NWD1: variants seen among roughly 807,000 people sequenced by gnomAD.
NWD1 encodes NACHT and WD repeat domain containing 1.
In NWD1, 129 loss-of-function variants were observed where a neutral mutation model predicts 135.1. The ratio of observed to expected loss-of-function variants is 0.96; its 90% CI spans 0.83 to 1.11. NWD1 has a LOEUF of 1.11. Ranked by LOEUF, NWD1 falls within the 50% of genes least tolerant of loss-of-function variation. The pLI, the probability that NWD1 is intolerant of heterozygous loss-of-function variation, is 0.00. For missense variants in NWD1, 1,740 were observed against 1,851.3 expected (o/e 0.94, Z 1.10); for synonymous variants, 773 against 786.0 (o/e 0.98, Z 0.28).
intron 1 of NWD1, among the ~76,000 whole-genome samples, chr19:16,721,190 T>G (rs1599409186): frequency 6.6e-6 from 1 of 151,638 alleles, no homozygotes; most frequent in African/African-American, 2.4e-5. Context: ...GTGGTGGTGG[T>G]GGGGGTGTGC....
In NWD1 at chr19:16,749,301, C is replaced by T; in HGVS notation, c.659C>T (p.Ala220Val). 6.2e-7 allele frequency: 1 copy of T among 1,613,788 alleles called. No individual in the cohort carries two copies. The highest frequency in any genetic ancestry group is 8.5e-7 in the Non-Finnish European group (1 of 1,179,914). ...GCGGATGGCTGCCTGGACGCTGATG[C>T]CCAGAACCTTCTCAGCAGCCTCAAA... ...RLADGCLDADAQNLLSSLKSH... is the reference protein window; with the variant it reads ...RLADGCLDADVQNLLSSLKSH... Residue 220 changes from alanine to valine, a missense_variant, in exon 6 of 19, where the codon GCC becomes GTC. Physicochemically the swap from Ala to Val is moderately conservative, Grantham distance 64. Coordinates refer to ENST00000524140, the MANE Select transcript of NWD1 (RefSeq NM_001007525.5).
intron 15 of NWD1, among the ~76,000 whole-genome samples, chr19:16,795,175 C>T (rs1970378281): frequency 6.6e-6 from 1 of 152,268 alleles, no homozygotes; most frequent in African/African-American, 2.4e-5. Context: ...GGGGTCACAT[C>T]TGGCTTTTGG....
chr19:16,762,297 CTTTTTTT>C (rs71180331), intron 8 of NWD1, among the ~76,000 whole-genome samples, 159 bp downstream of exon 8: 1 of 118,118 alleles, frequency 8.5e-6, no homozygotes, highest in African/African-American at 3.5e-5. Context: ...CCCCCCACTC[CTTTTTTT>C]TTTTTTTTTT....
chr19:16,812,247 G>A (rs1970946549), intron 18 of NWD1, among the ~76,000 whole-genome samples: 1 of 151,612 alleles, frequency 6.6e-6, no homozygotes, highest in African/African-American at 2.4e-5. Flanking sequence ...GGTGGAGGTT[G>A]CAGTCAAGCC....
rs188291105 is a variant in NWD1, at chr19:16,745,930, T to A, written c.496+1212T>A. ...AGACCCTGTCTCTAAATAAATAAAT[T>A]AATTAATTAAATAAAATACAGTCTA... On this transcript the variant is annotated intron_variant, in intron 5 of 18. Transcript: ENST00000524140. Among the ~76,000 whole-genome samples, 633 of 151,540 alleles carry A rather than the reference T, an allele frequency of 4.2e-3. 2 individuals are homozygous for A. Among genetic ancestry groups the A allele is most frequent in the African/African-American group, 0.014 (570 of 41,352 alleles).
chr19:16,749,620 C>G lies in NWD1; in HGVS notation c.978C>G (p.Leu326=). 1 of 1,611,630 alleles carries G rather than the reference C, an allele frequency of 6.2e-7. No homozygotes were observed. Among genetic ancestry groups the G allele is most frequent in the Non-Finnish European group, 8.5e-7 (1 of 1,178,280 alleles). ...TCCTGGCCCGGCTTGGGCAGCAGCT[C>G]AGGCACGATGACAGCAAGCAGCACA... ...QELLARLGQQ[L]RHDDSKQHTP... Residue 326 remains leucine, a synonymous_variant, in exon 6 of 19, where the codon CTC becomes CTG. Coordinates refer to ENST00000524140, the MANE Select transcript of NWD1 (RefSeq NM_001007525.5).
At position 16,749,901 on chromosome 19, in the gene NWD1, T is replaced by C. The variant is rs953279990; in HGVS notation, c.1259T>C (p.Leu420Pro). Residue 420 changes from leucine to proline, a missense_variant, in exon 6 of 19, where the codon CTC becomes CCC. Coordinates refer to ENST00000524140, the MANE Select transcript of NWD1 (RefSeq NM_001007525.5). Reference sequence around the variant, plus strand: ...AGGGTGGTCCAGTTTTTCCATACCCTCCTCCACACTGTCTCTTGCAGAAAC... The same window carrying C: ...AGGGTGGTCCAGTTTTTCCATACCCCCCTCCACACTGTCTCTTGCAGAAAC... ...HTRVVQFFHTLLHTVSCRNFE... is the reference protein window; with the variant it reads ...HTRVVQFFHTPLHTVSCRNFE... The C allele has an allele frequency of 1.9e-6, 3 of 1,613,386 alleles. No individual in the cohort carries two copies. The highest frequency in any genetic ancestry group is 1.3e-5 in the African/African-American group (1 of 74,890).
intron 12 of NWD1, among the ~76,000 whole-genome samples, chr19:16,781,271 G>T (rs1425931810): frequency 6.6e-6 from 1 of 152,122 alleles, no homozygotes; most frequent in African/African-American, 2.4e-5. Context: ...CCACAGTAGA[G>T]TTCATAACTA....
At chr19:16,789,330 G>A in intron 13 of NWD1, 140 bp downstream of exon 13, 1 of 651,342 alleles carries the variant, frequency 1.5e-6, no homozygotes, top group Non-Finnish European at 2.7e-6. Context: ...ACTTGAGAGG[G>A]TGCTATAAGA....
At position 16,797,723 on chromosome 19, in the gene NWD1, C is replaced by A. The variant is rs372759931; in HGVS notation, c.3305-9C>A. On this transcript the variant is annotated splice_polypyrimidine_tract_variant and intron_variant, in intron 15 of 18. Coordinates refer to ENST00000524140, the MANE Select transcript of NWD1 (RefSeq NM_001007525.5). ...ATGAGAGGTGTAACCCCAGTTCCTG[C>A]CGTTTCAGGCTTTGGAAGATCGGTG... 6.2e-7 allele frequency: 1 copy of A among 1,611,980 alleles called. No individual in the cohort carries two copies. The highest frequency in any genetic ancestry group is 8.5e-7 in the Non-Finnish European group (1 of 1,178,786).
chr19:16,764,404 T>C (rs867137629), intron 9 of NWD1, among the ~76,000 whole-genome samples: 21 of 126,300 alleles, frequency 1.7e-4, no homozygotes, highest in Admixed American at 3.2e-4. Context: ...TCCATCCATC[T>C]AACTATCCAT....
At chr19:16,747,619 A>G (rs1264626662) in intron 5 of NWD1, among the ~76,000 whole-genome samples, 4 of 151,690 alleles carry the variant, frequency 2.6e-5, no homozygotes, top group Non-Finnish European at 5.9e-5. Flanking sequence ...GTGATCGTCC[A>G]GCCTCTGCCT....
At chr19:16,747,180 G>T (rs1968357578) in intron 5 of NWD1, among the ~76,000 whole-genome samples, 1 of 151,428 alleles carries the variant, frequency 6.6e-6, no homozygotes, top group Non-Finnish European at 1.5e-5. Context: ...GGGATTACAG[G>T]CATGCGCCAC....
chr19:16,720,281 A>G lies in NWD1; in HGVS notation c.-117A>G, dbSNP rs1967089432. 1 of 152,236 alleles carries G rather than the reference A, an allele frequency of 6.6e-6. No homozygotes were observed. Among genetic ancestry groups the G allele is most frequent in the Non-Finnish European group, 1.5e-5 (1 of 68,058 alleles). The allele number at this position is 152,236 out of a possible 1,614,324, so 9.4% of individuals were successfully genotyped here. On this transcript the variant is annotated 5_prime_UTR_variant, in exon 1 of 19. Coordinates refer to ENST00000524140, the MANE Select transcript of NWD1 (RefSeq NM_001007525.5). ...CAGACAAACAATAACATGTAGAAAC[A>G]TATCAGCTGTTGGTGAGTACCATGC... is the stretch of plus-strand genomic sequence containing the variant.
At position 16,749,407 on chromosome 19, in the gene NWD1, C is replaced by A. The variant is rs1005062953; in HGVS notation, c.765C>A (p.Asn255Lys). Residue 255 changes from asparagine (N) to lysine (K), a missense_variant, in exon 6 of 19, where the codon AAC becomes AAA. By Grantham distance (94) the Asn-to-Lys change is moderately conservative. Transcript: ENST00000524140. ...GCCGCGACTTGGTGAACCCCAAGAA[C>A]AAGACTCACGCCTGCTACCTGAAGG... The part of the protein sequence containing the change: ...PWSRDLVNPK[N>K]KTHACYLKEL... 8 of 1,613,988 alleles carry A rather than the reference C, an allele frequency of 5.0e-6. No individual in the cohort carries two copies. In the East Asian group the frequency reaches 1.8e-4, roughly 36 times the overall value.
At chr19:16,787,396 C>A (rs28570419) in intron 12 of NWD1, among the ~76,000 whole-genome samples, 1 of 152,248 alleles carries the variant, frequency 6.6e-6, no homozygotes, top group South Asian at 2.1e-4. Flanking sequence ...CTCTTAGATG[C>A]TGAATCTTTA....
At chr19:16,773,441 G>C in intron 11 of NWD1, 118 bp downstream of exon 11, 1 of 815,524 alleles carries the variant, frequency 1.2e-6, no homozygotes, top group Non-Finnish European at 1.9e-6. Flanking sequence ...GAGGCCCCAA[G>C]CTTGCCATCA....
At chr19:16,763,281 T>C (rs1969089743) in intron 8 of NWD1, among the ~76,000 whole-genome samples, 1 of 152,128 alleles carries the variant, frequency 6.6e-6, no homozygotes, top group Admixed American at 6.6e-5. Context: ...TCCAATCTGA[T>C]TATGATTATG....
intron 6 of NWD1, among the ~76,000 whole-genome samples, chr19:16,754,303 G>A (rs116688395): frequency 0.024 from 3,064 of 126,610 alleles, 95 homozygotes; most frequent in African/African-American, 0.082. Context: ...CACCCATCAT[G>A]TCTATCTTCC....
Sources: allele counts gnomAD v4.1 joint callset (sites outside exome capture counted in the v4.1 genomes callset), GRCh38; gene constraint gnomAD v4.1.1; transcripts MANE v1.5; gene names NCBI Gene and HGNC (gene_info 2026-07-23, HGNC 2026-07-21).